POLR1D: variants seen among roughly 807,000 people sequenced by gnomAD.
POLR1D encodes the protein RNA polymerase I and III subunit D.
Under a neutral mutation model 10.8 loss-of-function variants are expected in POLR1D, and 8 were observed. The ratio of observed to expected loss-of-function variants is 0.74; its 90% CI spans 0.43 to 1.33. The LOEUF (loss-of-function observed/expected upper bound fraction) is 1.33, where lower values mean the gene tolerates loss of function less well. Ranked by LOEUF, POLR1D falls within the 40% of genes most tolerant of loss-of-function variation. POLR1D has a pLI of 0.01. For synonymous variants in POLR1D, 54 were observed against 57.2 expected, an observed-to-expected ratio of 0.94 and a Z score of 0.25; for missense variants, 152 against 161.7, an observed-to-expected ratio of 0.94 and a Z score of 0.32.
chr13:27,630,035 CTG>C (rs2138530333), intron 1 of POLR1D, among the ~76,000 whole-genome samples: 1 of 152,272 alleles, frequency 6.6e-6, no homozygotes, highest in East Asian at 1.9e-4. Context: ...CCTCAGCCTC[CTG>C]TGTAGCTGGG....
At chr13:27,646,464 A>G (rs946824595) in intron 1 of POLR1D, among the ~76,000 whole-genome samples, 5 of 152,194 alleles carry the variant, frequency 3.3e-5, no homozygotes, top group Non-Finnish European at 7.3e-5. Flanking sequence ...CATCAGATGA[A>G]CTTACCTCTT....
intron 1 of POLR1D, 57 bp from the exon 2 acceptor site, chr13:27,622,818 G>C (rs540248256): frequency 9.1e-7 from 1 of 1,099,970 alleles, no homozygotes; most frequent in African/African-American, 1.6e-5. Flanking sequence ...ATGAGAAAAA[G>C]CTAGTTACAA....
At chr13:27,666,037 C>A in exon 3 of POLR1D, 2 of 1,250,692 alleles carry the variant, frequency 1.6e-6, no homozygotes, top group Non-Finnish European at 2.3e-6. Flanking sequence ...GCTGGCAGGG[C>A]AAACACCTGA....
At chr13:27,657,029 A>C (rs1344069349) in intron 2 of POLR1D, among the ~76,000 whole-genome samples, 1 of 152,188 alleles carries the variant, frequency 6.6e-6, no homozygotes, top group African/African-American at 2.4e-5. Context: ...AGGGAAGGCC[A>C]TGGGACCCCG....
At position 27,622,904 on chromosome 13, in the gene POLR1D, C is replaced by G. The variant is rs1555271293; in HGVS notation, c.56C>G (p.Ala19Gly). ...ATATCTGGATTGAAGACCTCAATGG[C>G]TGAAGGCGAGAGGAAGACAGCCCTG... The part of the protein sequence containing the change: ...RKISGLKTSM[A>G]EGERKTALEM... Residue 19 changes from alanine to glycine, a missense_variant, in exon 2 of 2, where the codon GCT becomes GGT. Physicochemically the swap from Ala to Gly is moderately conservative, Grantham distance 60. Transcript: ENST00000302979. The G allele has an allele frequency of 1.2e-6, 2 of 1,609,814 alleles. No homozygotes were observed. The highest frequency in any genetic ancestry group is 1.7e-6 in the Non-Finnish European group (2 of 1,176,218).
At chr13:27,632,959 A>C (rs1220098057) in intron 1 of POLR1D, among the ~76,000 whole-genome samples, 1 of 152,218 alleles carries the variant, frequency 6.6e-6, no homozygotes, top group Non-Finnish European at 1.5e-5. Context: ...GAATTTAAAA[A>C]GGGAAATAAC....
downstream of POLR1D, among the ~76,000 whole-genome samples, chr13:27,624,991 G>C (rs866735019): frequency 2.0e-5 from 3 of 152,306 alleles, no homozygotes; most frequent in South Asian, 6.2e-4. Context: ...ACGGAAGTTA[G>C]GAAAGGTGTT....
At chr13:27,626,867 G>A (rs1206559800), downstream of POLR1D, among the ~76,000 whole-genome samples, 4 of 152,098 alleles carry the variant, frequency 2.6e-5, no homozygotes, top group African/African-American at 9.7e-5. Context: ...CTAATTAGTT[G>A]GCATAATGCA....
At chr13:27,634,312 C>G (rs1021342002) in intron 1 of POLR1D, among the ~76,000 whole-genome samples, 1 of 152,208 alleles carries the variant, frequency 6.6e-6, no homozygotes, top group Non-Finnish European at 1.5e-5. Flanking sequence ...GTGTCACTGT[C>G]TGCTGCCCAG....
At chr13:27,665,353 C>A in intron 2 of POLR1D, 2 of 264,394 alleles carry the variant, frequency 7.6e-6, no homozygotes, top group Non-Finnish European at 1.5e-5. Flanking sequence ...TAAAATAGGG[C>A]ACTTACTAGT....
At chr13:27,630,207 A>G (rs1956059901) in intron 1 of POLR1D, among the ~76,000 whole-genome samples, 2 of 152,080 alleles carry the variant, frequency 1.3e-5, no homozygotes, top group African/African-American at 2.4e-5. Flanking sequence ...TTTTTTATCT[A>G]GTACTGTTTC....
At chr13:27,665,431 G>T (rs768195084) in intron 2 of POLR1D, 20 of 511,480 alleles carry the variant, frequency 3.9e-5, no homozygotes, top group Non-Finnish European at 6.7e-5. Context: ...ATGAACTTCA[G>T]TAGGAAATTT....
chr13:27,660,760 T>G (rs1956355954), intron 2 of POLR1D: 1 of 152,298 alleles, frequency 6.6e-6, no homozygotes, highest in Non-Finnish European at 1.5e-5. Context: ...TCTGCTCCAC[T>G]CTCTCTGCCC....
chr13:27,636,756 C>T (rs1956128075), intron 1 of POLR1D, among the ~76,000 whole-genome samples: 1 of 152,102 alleles, frequency 6.6e-6, no homozygotes, highest in Non-Finnish European at 1.5e-5. Flanking sequence ...AGAATTTTCC[C>T]CTGCGGTCTC....
At chr13:27,651,902 C>G (rs943459631) in intron 2 of POLR1D, among the ~76,000 whole-genome samples, 6 of 152,190 alleles carry the variant, frequency 3.9e-5, no homozygotes, top group African/African-American at 1.4e-4. Context: ...AAACACCCAG[C>G]ATGGTTCCTG....
intron 1 of POLR1D, among the ~76,000 whole-genome samples, chr13:27,631,097 G>A (rs1188638711): frequency 6.6e-6 from 1 of 152,214 alleles, no homozygotes; most frequent in Non-Finnish European, 1.5e-5. Context: ...CTGCGTAATA[G>A]ATTATCCCAA....
At chr13:27,654,587 A>G (rs529861488) in intron 2 of POLR1D, among the ~76,000 whole-genome samples, 1 of 152,336 alleles carries the variant, frequency 6.6e-6, no homozygotes, top group African/African-American at 2.4e-5. Flanking sequence ...ATAACCAGCT[A>G]GTTCACTTTG....
chr13:27,667,346 T>A (rs367899589), exon 3 of POLR1D: 8 of 152,354 alleles, frequency 5.3e-5, no homozygotes, highest in Middle Eastern at 3.4e-3. Flanking sequence ...ATATTAGAAA[T>A]AGCACAAAGT....
At chr13:27,621,136 C>T (rs1431125358), upstream of POLR1D, 2 of 153,246 alleles carry the variant, frequency 1.3e-5, no homozygotes, top group Admixed American at 6.5e-5. Flanking sequence ...CGCCTGGGAA[C>T]AAAGGTGAGG....
Sources: gnomAD v4.1 joint callset for allele counts (sites outside exome capture counted in the v4.1 genomes callset) on GRCh38, gnomAD v4.1.1 for gene constraint, MANE v1.5 for transcripts, NCBI Gene and HGNC (gene_info 2026-07-23, HGNC 2026-07-21) for gene names.